CCDC30: variants seen among roughly 807,000 people sequenced by gnomAD.
CCDC30 encodes the protein coiled-coil domain containing 30.
In CCDC30, 70 loss-of-function variants were observed where a neutral mutation model predicts 100.2. That is an observed-to-expected ratio of 0.70 (90% CI 0.58 to 0.85). The LOEUF (loss-of-function observed/expected upper bound fraction) is 0.85. Among genes scored for constraint, CCDC30 ranks in the 40% least tolerant of loss-of-function variants. The pLI is 0.00. For synonymous variants in CCDC30, 233 were observed against 269.5 expected, an observed-to-expected ratio of 0.86 and a Z score of 1.33; for missense variants, 652 against 771.2, an observed-to-expected ratio of 0.85 and a Z score of 1.83.
At chr1:42,487,483 A>G (rs1553184263) in intron 3 of CCDC30, among the ~76,000 whole-genome samples, 1 of 152,178 alleles carries the variant, frequency 6.6e-6, no homozygotes, top group Non-Finnish European at 1.5e-5. Flanking sequence ...TTGTAAGCGT[A>G]GTTACGGTCC....
intron 7 of CCDC30, 108 bp from the exon 12 acceptor site, chr1:42,576,912 T>A (rs1273755244): frequency 2.7e-6 from 2 of 729,248 alleles, no homozygotes; most frequent in African/African-American, 3.6e-5. Flanking sequence ...CATGTGACAT[T>A]GGTATTTGTT....
chr1:42,482,169 T>G (rs1052482218), intron 2 of CCDC30, among the ~76,000 whole-genome samples: 3 of 150,878 alleles, frequency 2.0e-5, no homozygotes, highest in Admixed American at 6.6e-5. Context: ...AGTTGTGCCA[T>G]TAGAGACTGT....
intron 11 of CCDC30, among the ~76,000 whole-genome samples, chr1:42,633,467 C>T (rs911307602): frequency 3.3e-5 from 5 of 152,198 alleles, no homozygotes; most frequent in Non-Finnish European, 7.4e-5. Context: ...CTGAAGCTCT[C>T]TAAGGGCCTC....
At chr1:42,508,153 T>C (rs148672804) in intron 6 of CCDC30, among the ~76,000 whole-genome samples, 22 of 152,300 alleles carry the variant, frequency 1.4e-4, no homozygotes, top group African/African-American at 4.8e-4. Flanking sequence ...TAGGAAAGCA[T>C]GCATTTTTAT....
intron 6 of CCDC30, among the ~76,000 whole-genome samples, chr1:42,545,159 C>CT (rs1213552209): frequency 5.9e-5 from 2 of 34,054 alleles, no homozygotes; most frequent in East Asian, 5.9e-4. Context: ...CCAAAAATAC[C>CT]TTTAAAAAAA....
intron 11 of CCDC30, among the ~76,000 whole-genome samples, chr1:42,623,904 C>T (rs1468210592): frequency 2.0e-5 from 3 of 152,086 alleles, no homozygotes; most frequent in East Asian, 1.9e-4. Context: ...CCTTCAATTT[C>T]TTTCATTAGT....
At position 42,539,171 on chromosome 1, in the gene CCDC30, A is replaced by C. The variant is rs1283337524; in HGVS notation, c.457-27125A>C. 2 of 1,568,642 alleles carry C rather than the reference A, an allele frequency of 1.3e-6. No homozygotes were observed. The highest frequency in any genetic ancestry group is 2.7e-5 in the African/African-American group (2 of 72,982). ...TACTAAATGTCTTCATTTCTTAATC[A>C]GGAATTGCAAAAATCAAAGTCAGAG... is the stretch of plus-strand genomic sequence containing the variant. On this transcript the variant is annotated intron_variant, in intron 6 of 16. Coordinates refer to ENST00000668663, the Ensembl canonical transcript of CCDC30.
At chr1:42,637,366 T>C in exon 12 of CCDC30, 1 of 1,605,632 alleles carries the variant, frequency 6.2e-7, no homozygotes, top group South Asian at 1.1e-5. Flanking sequence ...TCCTGCAACA[T>C]AAAATAGAAA....
At chr1:42,504,165 A>T (rs1180772524) in intron 6 of CCDC30, among the ~76,000 whole-genome samples, 2 of 152,262 alleles carry the variant, frequency 1.3e-5, no homozygotes, top group Non-Finnish European at 2.9e-5. Context: ...CAGATCGCTC[A>T]TGCTATTGTT....
At chr1:42,654,087 G>T (rs1648573171) in exon 17 of CCDC30, 3 of 1,240,166 alleles carry the variant, frequency 2.4e-6, no homozygotes, top group African/African-American at 3.0e-5. Flanking sequence ...CTGGACAAAA[G>T]GTGGACCATG....
chr1:42,473,291 T>C, intron 1 of CCDC30: 4 of 1,230,600 alleles, frequency 3.3e-6, no homozygotes, highest in Non-Finnish European at 4.1e-6. Flanking sequence ...AGCACATGGG[T>C]GAAACAAAAG....
intron 6 of CCDC30, among the ~76,000 whole-genome samples, chr1:42,512,737 A>G (rs1644498209): frequency 6.6e-6 from 1 of 152,122 alleles, no homozygotes; most frequent in Non-Finnish European, 1.5e-5. Flanking sequence ...TGTTGCCCTG[A>G]CCAGAAATCC....
At chr1:42,597,012 T>G (rs1356120702) in intron 10 of CCDC30, among the ~76,000 whole-genome samples, 1 of 152,084 alleles carries the variant, frequency 6.6e-6, no homozygotes, top group East Asian at 1.9e-4. Context: ...GTAACAGAAA[T>G]GAATACCTTG....
At chr1:42,649,953 G>A (rs1368628569) in intron 15 of CCDC30, among the ~76,000 whole-genome samples, 1 of 152,082 alleles carries the variant, frequency 6.6e-6, no homozygotes, top group African/African-American at 2.4e-5. Context: ...AAGAAAATAC[G>A]ATAAATGAAA....
At chr1:42,634,084 G>A (rs1223015280) in intron 11 of CCDC30, among the ~76,000 whole-genome samples, 5 of 152,032 alleles carry the variant, frequency 3.3e-5, no homozygotes, top group East Asian at 1.9e-4. Flanking sequence ...ATCACCTCCC[G>A]TCCATGATAC....
At chr1:42,494,490 C>A (rs112584155) in intron 4 of CCDC30, among the ~76,000 whole-genome samples, 2,164 of 152,182 alleles carry the variant, frequency 0.014, 48 homozygotes, top group African/African-American at 0.05. Flanking sequence ...GCAACAAAAG[C>A]CAAAATTGAC....
At chr1:42,642,036 T>A (rs2147314) in intron 12 of CCDC30, among the ~76,000 whole-genome samples, 4 of 151,786 alleles carry the variant, frequency 2.6e-5, no homozygotes, top group South Asian at 2.1e-4. Flanking sequence ...CCATCCTGGC[T>A]AACACGGTGA....
intron 6 of CCDC30, among the ~76,000 whole-genome samples, chr1:42,540,566 A>G (rs968993894): frequency 2.4e-4 from 36 of 152,280 alleles, no homozygotes; most frequent in African/African-American, 6.7e-4. Context: ...AAATTATGAA[A>G]GTACAAAGAC....
chr1:42,538,368 G>C (rs903608690), intron 6 of CCDC30, among the ~76,000 whole-genome samples: 2 of 151,662 alleles, frequency 1.3e-5, no homozygotes, highest in Admixed American at 6.6e-5. Flanking sequence ...AAAAACATCA[G>C]AGGATTAAAG....
Sources: gnomAD v4.1 joint callset for allele counts (sites outside exome capture counted in the v4.1 genomes callset) on GRCh38, gnomAD v4.1.1 for gene constraint, MANE v1.5 for transcripts, NCBI Gene and HGNC (gene_info 2026-07-23, HGNC 2026-07-21) for gene names.